PNLDC1: variants seen among roughly 807,000 people sequenced by gnomAD.
PNLDC1 encodes the protein poly(A)-specific ribonuclease PNLDC1.
In PNLDC1, 70 loss-of-function variants were observed where a neutral mutation model predicts 82.0. The ratio of observed to expected loss-of-function variants is 0.85; its 90% confidence interval spans 0.70 to 1.04. PNLDC1 has a LOEUF of 1.04. Among genes scored for constraint, PNLDC1 ranks in the 50% least tolerant of loss-of-function variants. PNLDC1 has a pLI of 0.00. For synonymous variants in PNLDC1, 280 were observed against 249.3 expected (o/e 1.12, Z -1.16); for missense variants, 631 against 661.1 (o/e 0.95, Z 0.50).
chr6:159,803,875 AAAAG>A, intron 4 of PNLDC1, 86 bp from the exon 5 acceptor site: 1 of 1,413,124 alleles, frequency 7.1e-7, no homozygotes, highest in Non-Finnish European at 9.6e-7. Flanking sequence ...CTTCTTGCCT[AAAAG>A]AAAGAGCCCA....
chr6:159,818,936 T>C lies in PNLDC1; in HGVS notation c.1258-10T>C, dbSNP rs1781938867. On this transcript the variant is annotated splice_polypyrimidine_tract_variant and intron_variant, in intron 16 of 18. Coordinates refer to ENST00000392167, the MANE Select transcript of PNLDC1 (RefSeq NM_001271862.2). ...TGTGGAAAATCTCTTGTGTTCTGCA[T>C]GTTTTCTAGAATTTTTCTGGTCCAG... 6.2e-7 allele frequency: 1 copy of C among 1,612,952 alleles called. No homozygotes were observed. The highest frequency in any genetic ancestry group is 1.1e-5 in the South Asian group (1 of 91,016).
At chr6:159,814,346 C>T (rs906661786) in intron 12 of PNLDC1, among the ~76,000 whole-genome samples, 7 of 152,152 alleles carry the variant, frequency 4.6e-5, no homozygotes, top group East Asian at 1.9e-4. Context: ...CTGTCTCCTA[C>T]GTTTTCTCTC....
intron 3 of PNLDC1, among the ~76,000 whole-genome samples, chr6:159,802,656 C>T (rs894630547): frequency 1.3e-5 from 2 of 152,212 alleles, no homozygotes; most frequent in Non-Finnish European, 2.9e-5. Flanking sequence ...TCTTGGCTCC[C>T]TGCAACACCC....
chr6:159,813,513 C>A, intron 11 of PNLDC1, 88 bp from the exon 12 acceptor site: 1 of 1,167,020 alleles, frequency 8.6e-7, no homozygotes, highest in Non-Finnish European at 1.3e-6. Flanking sequence ...ATTTTCCAGG[C>A]CATTTTAATG....
intron 8 of PNLDC1, 95 bp downstream of exon 8, chr6:159,808,911 C>A: frequency 1.3e-6 from 2 of 1,584,082 alleles, no homozygotes; most frequent in Non-Finnish European, 1.7e-6. Flanking sequence ...ATCTTGCACG[C>A]TGCTAGTTTT....
intron 11 of PNLDC1, among the ~76,000 whole-genome samples, chr6:159,812,136 A>T (rs1451833314): frequency 6.6e-6 from 1 of 151,960 alleles, no homozygotes; most frequent in East Asian, 1.9e-4. Context: ...TCCTGACCTC[A>T]TGATCCACCC....
At chr6:159,804,120 CTT>C (rs1781361078) in intron 5 of PNLDC1, 32 bp downstream of exon 5, 2 of 1,607,800 alleles carry the variant, frequency 1.2e-6, no homozygotes, top group Non-Finnish European at 1.7e-6. Context: ...ACGGGAATGT[CTT>C]TTGTTTGTTT....
chr6:159,815,957 C>A lies in PNLDC1; in HGVS notation c.996-12C>A. On this transcript the variant is annotated splice_polypyrimidine_tract_variant and intron_variant, in intron 12 of 18. Transcript: ENST00000392167. ...GCAAATTGTTTTTTATTCTATTTTT[C>A]TTTTCCAATAGTGACTTGAATCCCA... 6.2e-7 allele frequency: 1 copy of A among 1,608,732 alleles called. No individual in the cohort carries two copies. The highest frequency in any genetic ancestry group is 8.5e-7 in the Non-Finnish European group (1 of 1,176,198).
chr6:159,809,513 C>T (rs544646287), intron 9 of PNLDC1, among the ~76,000 whole-genome samples: 45 of 147,528 alleles, frequency 3.1e-4, no homozygotes, highest in Non-Finnish European at 6.2e-4. Context: ...AGAGTGGTCT[C>T]GAACTCCTGG....
Position 159,817,353 on chromosome 6 carries a change from C to T in PNLDC1, c.1157+202C>T, listed in dbSNP as rs546331727. Among the ~76,000 whole-genome samples, 10 of 152,320 alleles carry T rather than the reference C, an allele frequency of 6.6e-5. No individual in the cohort carries two copies. In the East Asian group the frequency reaches 1.7e-3, roughly 26 times the overall value. ...CCACAGGAGTAGCCCTTCCTACCAC[C>T]CCTGTGCCTGCCTGTATGGGTCCTG... On this transcript the variant is annotated intron_variant, in intron 15 of 18. Coordinates refer to ENST00000392167, the MANE Select transcript of PNLDC1 (RefSeq NM_001271862.2).
chr6:159,811,859 GTTT>G, intron 11 of PNLDC1, 73 bp downstream of exon 11: 1 of 1,167,354 alleles, frequency 8.6e-7, no homozygotes, highest in Non-Finnish European at 1.2e-6. Context: ...CTCTTGTGGG[GTTT>G]TTTTCTTGTG....
chr6:159,820,122 G>A (rs1781988463), intron 18 of PNLDC1, among the ~76,000 whole-genome samples: 1 of 152,174 alleles, frequency 6.6e-6, no homozygotes, highest in African/African-American at 2.4e-5. Context: ...CGAATCCAGG[G>A]TTTGAGTCCT....
intron 15 of PNLDC1, 84 bp from the exon 16 acceptor site, chr6:159,818,471 T>C (rs1781914046): frequency 3.2e-6 from 4 of 1,244,526 alleles, no homozygotes; most frequent in African/African-American, 3.0e-5. Context: ...GTCCTTCTGT[T>C]CTGTCACCGG....
At chr6:159,808,427 TTAAATG>T (rs1386692581) in intron 7 of PNLDC1, among the ~76,000 whole-genome samples, 5 of 152,050 alleles carry the variant, frequency 3.3e-5, no homozygotes, top group Admixed American at 2.0e-4. Flanking sequence ...AAAAACTTCT[TTAAATG>T]TAAGAGTTTT....
Position 159,813,619 on chromosome 6 carries a change from G to T in PNLDC1, c.958G>T (p.Val320Leu), listed in dbSNP as rs1408394011. 1.9e-6 allele frequency: 3 copies of T among 1,613,514 alleles called. No homozygotes were observed. The highest frequency in any genetic ancestry group is 2.2e-5 in the South Asian group (2 of 91,076). Residue 320 changes from valine to leucine, a missense_variant, in exon 12 of 19, where the codon GTG (valine) becomes TTG (leucine). Physicochemically the swap from Val to Leu is conservative, Grantham distance 32. Transcript: ENST00000392167. ...ATTGTAGGAGATGAATTTCCCGAGG[G>T]TGTCGAATCTTTCGGAAGTCTATGA... Reference protein sequence around the residue: ...DIWKEMNFPRVSNLSEVYEVL... With the variant: ...DIWKEMNFPRLSNLSEVYEVL...
At position 159,816,527 on chromosome 6, in the gene PNLDC1, G is replaced by T. The variant is rs1781836466; in HGVS notation, c.1061-16G>T. ...GACTGCTCAATTCTCTGTCCTCCTG[G>T]TGGAAAATGCCTCAGTTGAGACAAA... is the stretch of plus-strand genomic sequence containing the variant. On this transcript the variant is annotated splice_polypyrimidine_tract_variant and intron_variant, in intron 13 of 18. Transcript: ENST00000392167. 6.2e-7 allele frequency: 1 copy of T among 1,613,180 alleles called. No individual in the cohort carries two copies.
chr6:159,811,867 C>T, intron 11 of PNLDC1, 81 bp downstream of exon 11: 1 of 1,121,300 alleles, frequency 8.9e-7, no homozygotes, highest in East Asian at 2.4e-5. Flanking sequence ...GGGTTTTTTT[C>T]TTGTGTTTTT....
At position 159,800,279 on chromosome 6, in the gene PNLDC1, G is replaced by T. The variant is rs566522827; in HGVS notation, c.-29G>T. 14 of 1,538,410 alleles carry T rather than the reference G, an allele frequency of 9.1e-6. No individual in the cohort carries two copies. The highest frequency in any genetic ancestry group is 2.3e-4 in the Middle Eastern group (1 of 4,342). On this transcript the variant is annotated 5_prime_UTR_variant, in exon 1 of 19. Transcript: ENST00000392167. Reference sequence around the variant, plus strand: ...CAGCACGTGGGCAGCACGTGATAGCGCTGGGCGACTCCGCGGAGCTGCACG... The same window carrying T: ...CAGCACGTGGGCAGCACGTGATAGCTCTGGGCGACTCCGCGGAGCTGCACG...
chr6:159,817,051 G>A (rs1167027201), intron 14 of PNLDC1, 58 bp from the exon 15 acceptor site: 6 of 1,486,334 alleles, frequency 4.0e-6, no homozygotes, highest in Admixed American at 3.3e-5. Flanking sequence ...ATGAGATAAA[G>A]CATAAGCATG....
Sources: allele counts gnomAD v4.1 joint callset (sites outside exome capture counted in the v4.1 genomes callset), GRCh38; gene constraint gnomAD v4.1.1; transcripts MANE v1.5; gene names NCBI Gene and HGNC (gene_info 2026-07-23, HGNC 2026-07-21).